MOB1A: variants seen among roughly 807,000 people sequenced by gnomAD.
The protein encoded by MOB1A is MOB1 Mps One Binder homolog A.
A neutral mutation model predicts 25.1 loss-of-function variants in MOB1A; 10 were observed. The observed-to-expected ratio is 0.40, with a 90% CI of 0.25 to 0.68. MOB1A has a LOEUF of 0.68. Ranked by LOEUF, MOB1A falls within the 30% of genes least tolerant of loss-of-function variation. The pLI, the probability that MOB1A is intolerant of heterozygous loss-of-function variation, is 0.40. For synonymous variants in MOB1A, 81 were observed against 79.5 expected, an observed-to-expected ratio of 1.02 and a Z score of -0.10; for missense variants, 177 against 256.3, an observed-to-expected ratio of 0.69 and a Z score of 2.11.
chr2:74,172,077 T>C (rs1388833215), intron 2 of MOB1A, among the ~76,000 whole-genome samples: 1 of 152,188 alleles, frequency 6.6e-6, no homozygotes, highest in Non-Finnish European at 1.5e-5. Context: ...TCCCATGTCA[T>C]GCACTTGTTC....
rs1693155983 is a variant in MOB1A, at chr2:74,167,239, C to G, written c.182-132G>C. On this transcript the variant is annotated intron_variant, in intron 2 of 5. Transcript: ENST00000396049. ...TGAGACATTCAATAATCCAATGATA[C>G]TGTAACTTGTAGTATACTACACTTT... 1.5e-5 allele frequency: 10 copies of G among 651,458 alleles called. 1 individual carries two copies. The South Asian group carries it at 1.7e-4, about 11-fold the overall frequency. 40.4% of individuals were successfully genotyped at this position (651,458 alleles called of 1,614,324 possible). A position where few individuals can be genotyped will look rare whatever the true frequency, so the allele number is the denominator to read the frequency against.
intron 2 of MOB1A, among the ~76,000 whole-genome samples, chr2:74,167,390 T>C (rs1693162081): frequency 6.6e-6 from 1 of 152,088 alleles, no homozygotes; most frequent in African/African-American, 2.4e-5. Context: ...GGATTACAGG[T>C]GCATGCCACC....
intron 5 of MOB1A, among the ~76,000 whole-genome samples, chr2:74,157,737 G>A (rs1558830178): frequency 6.6e-6 from 1 of 152,178 alleles, no homozygotes; most frequent in Non-Finnish European, 1.5e-5. Context: ...GTTCTGTGTG[G>A]TGAGAGTATA....
chr2:74,156,452 G>T lies in MOB1A; in HGVS notation c.*116C>A. ...AATTTTATCAGTAGACACAGGCAAT[G>T]GGTATCTTTTTATCCTGTTTTCTTA... On this transcript the variant is annotated 3_prime_UTR_variant, in exon 6 of 6. Transcript: ENST00000396049. 1 of 810,620 alleles carries T rather than the reference G, an allele frequency of 1.2e-6. No homozygotes were observed. The allele number at this position is 810,620 out of a possible 1,614,324, so 50.2% of individuals were successfully genotyped here. A position where few individuals can be genotyped will look rare whatever the true frequency, so the allele number is the denominator to read the frequency against.
At position 74,153,597 on chromosome 2, in the gene MOB1A, T is replaced by C. The variant is rs533261704; in HGVS notation, c.*2971A>G. On this transcript the variant is annotated 3_prime_UTR_variant, in exon 6 of 6. Coordinates refer to ENST00000396049, the MANE Select transcript of MOB1A (RefSeq NM_018221.5). ...AATGAAAGACAAATTTGGCTGTCAATACAAAAACTGTAGTACAAGGAAGTT... is the reference window on the plus strand; with the variant it reads ...AATGAAAGACAAATTTGGCTGTCAACACAAAAACTGTAGTACAAGGAAGTT... The C allele has an allele frequency of 1.3e-5, 2 of 152,334 alleles. No individual in the cohort carries two copies. The highest frequency in any genetic ancestry group is 4.1e-4 in the South Asian group (2 of 4,826). The allele number at this position is 152,334 out of a possible 1,614,324, so 9.4% of individuals were successfully genotyped here.
intron 4 of MOB1A, among the ~76,000 whole-genome samples, chr2:74,162,099 T>C (rs746433863): frequency 6.6e-6 from 1 of 152,174 alleles, no homozygotes; most frequent in African/African-American, 2.4e-5. Flanking sequence ...ACTAAATAAC[T>C]GGCAAAAGTA....
intron 1 of MOB1A, among the ~76,000 whole-genome samples, chr2:74,173,889 C>T (rs1462584875): frequency 1.2e-4 from 17 of 138,650 alleles, no homozygotes; most frequent in African/African-American, 4.4e-4. Context: ...GCGGAGCTTG[C>T]AGTGAGTCGA....
chr2:74,160,347 T>C (rs1010790375), intron 4 of MOB1A, among the ~76,000 whole-genome samples: 3 of 151,990 alleles, frequency 2.0e-5, no homozygotes, highest in African/African-American at 7.3e-5. Context: ...AGAAATTACA[T>C]ACATACGCAC....
At chr2:74,170,979 T>A (rs1693277062) in intron 2 of MOB1A, among the ~76,000 whole-genome samples, 1 of 151,886 alleles carries the variant, frequency 6.6e-6, no homozygotes. Context: ...AGCAAAAAAA[T>A]TTTAAAAAGA....
intron 5 of MOB1A, 46 bp downstream of exon 5, chr2:74,159,045 A>G (rs752344913): frequency 3.3e-5 from 52 of 1,594,808 alleles, no homozygotes; most frequent in Non-Finnish European, 3.9e-5. Flanking sequence ...CCCAATCCAA[A>G]TAAGTCCAAG....
chr2:74,158,182 A>C (rs1175395441), intron 5 of MOB1A, among the ~76,000 whole-genome samples: 2 of 109,580 alleles, frequency 1.8e-5, no homozygotes, highest in African/African-American at 4.7e-5. Context: ...TCTGTCTCCA[A>C]AAAAAAAAAA....
chr2:74,158,719 C>T (rs1484989723), intron 5 of MOB1A, among the ~76,000 whole-genome samples: 1 of 147,100 alleles, frequency 6.8e-6, no homozygotes, highest in African/African-American at 2.6e-5. Flanking sequence ...GCGGAGGTTG[C>T]AGTGAGCCAA....
chr2:74,168,300 G>T (rs895225789), intron 2 of MOB1A, among the ~76,000 whole-genome samples: 2 of 152,194 alleles, frequency 1.3e-5, no homozygotes, highest in Admixed American at 6.5e-5. Flanking sequence ...GAGGCAGGGG[G>T]TGAGTAAATA....
rs1692781424 is a variant in MOB1A, at chr2:74,155,536, A to T, written c.*1032T>A. 6.6e-6 allele frequency: 1 copy of T among 152,574 alleles called. No homozygotes were observed. Among genetic ancestry groups the T allele is most frequent in the South Asian group, 2.1e-4 (1 of 4,834 alleles). 9.5% of individuals were successfully genotyped at this position (152,574 alleles called of 1,614,324 possible). A position where few individuals can be genotyped will look rare whatever the true frequency, so the allele number is the denominator to read the frequency against. On this transcript the variant is annotated 3_prime_UTR_variant, in exon 6 of 6. Transcript: ENST00000396049. ...TTTATTGTGGTTTTCCTTAAGTTTT[A>T]TCCTTATTAGGATGAAGTTCATGCA...
chr2:74,166,968 A>G (rs953573133), intron 3 of MOB1A, 46 bp downstream of exon 3: 3 of 1,314,870 alleles, frequency 2.3e-6, no homozygotes, highest in Middle Eastern at 1.8e-4. Flanking sequence ...AATTGGTGAT[A>G]AAGTAAAACT....
intron 4 of MOB1A, among the ~76,000 whole-genome samples, chr2:74,162,856 A>C (rs1558833170): frequency 6.6e-6 from 1 of 152,230 alleles, no homozygotes; most frequent in East Asian, 1.9e-4. Context: ...CCAAACTCTT[A>C]ATCAAAATAT....
intron 1 of MOB1A, chr2:74,177,973 G>A (rs762112806): frequency 5.9e-5 from 9 of 152,104 alleles, no homozygotes; most frequent in African/African-American, 9.7e-5. Flanking sequence ...AATTGCTGTA[G>A]TGCACTAAAA....
intron 4 of MOB1A, among the ~76,000 whole-genome samples, 154 bp from the exon 5 acceptor site, chr2:74,159,408 T>C (rs1692897226): frequency 6.6e-6 from 1 of 152,104 alleles, no homozygotes; most frequent in South Asian, 2.1e-4. Context: ...CCTCCCACCT[T>C]GGCCCCCCAA....
At chr2:74,158,519 G>T (rs1488506846) in intron 5 of MOB1A, among the ~76,000 whole-genome samples, 1 of 152,160 alleles carries the variant, frequency 6.6e-6, no homozygotes, top group Non-Finnish European at 1.5e-5. Flanking sequence ...GCCGGGTGCT[G>T]TGGCTCAGGC....
Sources: allele counts gnomAD v4.1 joint callset (sites outside exome capture counted in the v4.1 genomes callset), GRCh38; gene constraint gnomAD v4.1.1; transcripts MANE v1.5; gene names NCBI Gene and HGNC (gene_info 2026-07-23, HGNC 2026-07-21).